The following GGT7 variants were observed in gnomAD, a reference collection of about 807,000 sequenced individuals.
GGT7 encodes the protein glutathione hydrolase 7.
A neutral mutation model predicts 69.2 loss-of-function variants in GGT7; 30 were observed. The observed-to-expected ratio is 0.43, with a 90% CI of 0.32 to 0.59. GGT7 has a LOEUF of 0.59. GGT7 is among the 20% of genes least tolerant of loss of function. The pLI is 0.05. For missense variants in GGT7, 733 were observed against 901.1 expected (o/e 0.81, Z 2.39); for synonymous variants, 388 against 391.8 (o/e 0.99, Z 0.12).
chr20:34,864,379 C>T lies in GGT7; in HGVS notation c.170-831G>A, dbSNP rs553894907. 2.5e-4 allele frequency among the ~76,000 whole-genome samples: 38 copies of T among 152,130 alleles called. 1 individual carries two copies. Among genetic ancestry groups the T allele is most frequent in the Admixed American group, 2.0e-3 (31 of 15,260 alleles). On this transcript the variant is annotated intron_variant, in intron 1 of 14. Transcript: ENST00000336431. ...GAAAAAAAAATAACCAAGGCCTGGG[C>T]GGCTCTGGTGTAGCAGGCATGGGGA...
chr20:34,863,353 G>A lies in GGT7; in HGVS notation c.365C>T (p.Thr122Ile). The A allele has an allele frequency of 6.2e-7, 1 of 1,614,014 alleles. No homozygotes were observed. The highest frequency in any genetic ancestry group is 1.3e-5 in the African/African-American group (1 of 75,048). The change falls in exon 2 of 15, where the codon ACC becomes ATC. Residue 122 changes from threonine to isoleucine, a missense_variant. By Grantham distance (89) the Thr-to-Ile change is moderately conservative. Coordinates refer to ENST00000336431, the MANE Select transcript of GGT7 (RefSeq NM_178026.3). This position sits in a 1 kb window ranked among gnomAD's most constrained non-coding sequence, Gnocchi z 4.4. ...TACLTFATGV[T>I]VALVMQIYFG... is the part of the protein sequence containing the mutation. ...GTAGATCTGCATGACCAGCGCCACGGTGACACCGGTAGCGAAGGTGAGACA... is the reference window on the plus strand; with the variant it reads ...GTAGATCTGCATGACCAGCGCCACGATGACACCGGTAGCGAAGGTGAGACA...
At chr20:34,861,424 T>G in intron 4 of GGT7, 21 bp downstream of exon 4, 1 of 1,302,810 alleles carries the variant, frequency 7.7e-7, no homozygotes, top group Admixed American at 1.9e-5. Flanking sequence ...CTGAACTCTC[T>G]CTTCTCACCA....
At position 34,862,941 on chromosome 20, in the gene GGT7, T is replaced by C. The variant is rs1448691667; in HGVS notation, c.430A>G (p.Thr144Ala). 2 of 1,613,624 alleles carry C rather than the reference T, an allele frequency of 1.2e-6. No homozygotes were observed. The highest frequency in any genetic ancestry group is 3.3e-5 in the Admixed American group (2 of 59,972). Residue 144 changes from threonine (T) to alanine (A), a missense_variant, in exon 3 of 15, where the codon ACC (threonine) becomes GCC (alanine). Thr to Ala is a moderately conservative substitution (Grantham distance 58). Coordinates refer to ENST00000336431, the MANE Select transcript of GGT7 (RefSeq NM_178026.3). ...PQIFQQGAVVTDAARCTSLGI... is the reference protein window; with the variant it reads ...PQIFQQGAVVADAARCTSLGI... ...AGTGAAGTGCAGCGGGCAGCATCGG[T>C]CACCACGGCACCCTGCTGGAAGATC...
At chr20:34,860,073 A>T in intron 5 of GGT7, 31 bp from the exon 6 acceptor site, 2 of 549,338 alleles carry the variant, frequency 3.6e-6, no homozygotes, top group Non-Finnish European at 5.5e-6. Flanking sequence ...GGGGTGGAGG[A>T]GGTCCTGGGG....
chr20:34,845,514 A>G, intron 14 of GGT7, 23 bp from the exon 15 acceptor site: 1 of 1,606,886 alleles, frequency 6.2e-7, no homozygotes, highest in African/African-American at 1.3e-5. Flanking sequence ...CCCGACATAT[A>G]CACATTCAGA....
At chr20:34,846,589 C>T (rs759037815) in intron 14 of GGT7, among the ~76,000 whole-genome samples, 3 of 152,080 alleles carry the variant, frequency 2.0e-5, no homozygotes, top group Admixed American at 6.6e-5. Flanking sequence ...GGATTACAGG[C>T]GTGAGCCACC....
At chr20:34,868,494 T>C (rs1386755714) in intron 1 of GGT7, among the ~76,000 whole-genome samples, 1 of 152,242 alleles carries the variant, frequency 6.6e-6, no homozygotes, top group Non-Finnish European at 1.5e-5. Flanking sequence ...CATAAGAAGC[T>C]GTCTGGAGGC....
At chr20:34,852,663 T>C (rs2079418227) in intron 10 of GGT7, 125 bp from the exon 11 acceptor site, 2 of 812,414 alleles carry the variant, frequency 2.5e-6, no homozygotes, top group Non-Finnish European at 3.7e-6. Flanking sequence ...CTACTAGGTC[T>C]ATGAGTGCAG....
At chr20:34,859,164 C>T (rs1443740787) in intron 7 of GGT7, among the ~76,000 whole-genome samples, 11 of 101,760 alleles carry the variant, frequency 1.1e-4, no homozygotes, top group African/African-American at 4.4e-4. Flanking sequence ...AGCAGGACTC[C>T]GTCTCATAAA....
chr20:34,853,038 C>T (rs1002939294), intron 10 of GGT7, among the ~76,000 whole-genome samples: 2 of 152,080 alleles, frequency 1.3e-5, no homozygotes, highest in Non-Finnish European at 2.9e-5. Context: ...CAACCTCTGC[C>T]TCCCAGGTTC....
intron 7 of GGT7, 21 bp downstream of exon 7, chr20:34,859,422 C>T: frequency 1.9e-6 from 3 of 1,549,908 alleles, no homozygotes; most frequent in Non-Finnish European, 1.8e-6. Flanking sequence ...ATGCCCCCAC[C>T]CGCACAACAC....
Position 34,863,565 on chromosome 20 carries a change from G to A in GGT7, c.170-17C>T, listed in dbSNP as rs780091297. On this transcript the variant is annotated splice_polypyrimidine_tract_variant and intron_variant, in intron 1 of 14. Coordinates refer to ENST00000336431, the MANE Select transcript of GGT7 (RefSeq NM_178026.3). The surrounding 1 kb of genome is among the most constrained non-coding windows in gnomAD (Gnocchi z 4.4). Reference sequence around the variant, plus strand: ...AGTCCGGGTCTGCGGGCAGGCAGCCGGGGTCGGTCTGGGCATCTCCTATCT... The same window carrying A: ...AGTCCGGGTCTGCGGGCAGGCAGCCAGGGTCGGTCTGGGCATCTCCTATCT... The A allele has an allele frequency of 1.6e-5, 24 of 1,531,414 alleles. No individual in the cohort carries two copies. The highest frequency in any genetic ancestry group is 7.2e-5 in the South Asian group (6 of 83,840). 94.9% of individuals were successfully genotyped at this position (1,531,414 alleles called of 1,614,324 possible). A position where few individuals can be genotyped will look rare whatever the true frequency, so the allele number is the denominator to read the frequency against.
chr20:34,850,970 T>G, intron 13 of GGT7: 1 of 676,892 alleles, frequency 1.5e-6, no homozygotes. Flanking sequence ...GCCACCCAGA[T>G]GCTAACCCCA....
rs764521693 is a variant in GGT7 at position 34,860,208 on chromosome 20, A to T, written c.743+46T>A. ...GGAAGTAGGAGAAGGCCACCCAAGGAGAGATGCAAACGGGGGTCCCTGGTC... is the reference window on the plus strand; with the variant it reads ...GGAAGTAGGAGAAGGCCACCCAAGGTGAGATGCAAACGGGGGTCCCTGGTC... On this transcript the variant is annotated intron_variant, in intron 5 of 14. Coordinates refer to ENST00000336431, the MANE Select transcript of GGT7 (RefSeq NM_178026.3). 3.6e-6 allele frequency: 5 copies of T among 1,400,994 alleles called. No homozygotes were observed. In the East Asian group the frequency reaches 1.1e-4, roughly 32 times the overall value. The allele number at this position is 1,400,994 out of a possible 1,614,324, so 86.8% of individuals were successfully genotyped here.
chr20:34,868,210 C>T (rs2079724649), intron 1 of GGT7, among the ~76,000 whole-genome samples: 1 of 152,150 alleles, frequency 6.6e-6, no homozygotes, highest in Non-Finnish European at 1.5e-5. Flanking sequence ...TATAAGGATC[C>T]AGGAGGTAAA....
rs143422291 is a variant in GGT7 at position 34,856,767 on chromosome 20, C to T, written c.1102+39G>A. The T allele has an allele frequency of 3.5e-4, 426 of 1,207,410 alleles. 3 individuals carry two copies. In the African/African-American group the frequency reaches 5.2e-3, roughly 15 times the overall value. The allele number at this position is 1,207,410 out of a possible 1,614,324, so 74.8% of individuals were successfully genotyped here. On this transcript the variant is annotated intron_variant, in intron 8 of 14. Coordinates refer to ENST00000336431, the MANE Select transcript of GGT7 (RefSeq NM_178026.3). ...GATGTGGCCATGGACTGGGAGGCTT[C>T]TCCTGAGGGGGGACCCTGGGAGCCG...
intron 5 of GGT7, 25 bp downstream of exon 5, chr20:34,860,229 T>C (rs778665554): frequency 1.9e-6 from 3 of 1,577,598 alleles, no homozygotes; most frequent in Non-Finnish European, 2.6e-6. Context: ...CGGGGGTCCC[T>C]GGTCCCCAGG....
At position 34,854,890 on chromosome 20, in the gene GGT7, G is replaced by C. The variant is rs756441036; in HGVS notation, c.1136C>G (p.Thr379Arg). The C allele has an allele frequency of 8.7e-6, 14 of 1,613,854 alleles. No individual in the cohort carries two copies. The highest frequency in any genetic ancestry group is 1.2e-5 in the Non-Finnish European group (14 of 1,179,894). ...HLVLSPPPPHTGPALISALNI... is the reference protein window; with the variant it reads ...HLVLSPPPPHRGPALISALNI... ...GAGAGCACTGATGAGGGCAGGGCCCGTGTGCGGAGGTGGGGGACTAAGAAC... is the reference window on the plus strand; with the variant it reads ...GAGAGCACTGATGAGGGCAGGGCCCCTGTGCGGAGGTGGGGGACTAAGAAC... The change falls in exon 9 of 15, where the codon ACG becomes AGG. Residue 379 changes from threonine (T) to arginine (R), a missense_variant. By Grantham distance (71) the Thr-to-Arg change is moderately conservative. Coordinates refer to ENST00000336431, the MANE Select transcript of GGT7 (RefSeq NM_178026.3).
chr20:34,864,248 AAGGAGCCAGCTATAATGT>A (rs1049124522), intron 1 of GGT7, among the ~76,000 whole-genome samples: 17 of 152,250 alleles, frequency 1.1e-4, no homozygotes, highest in Admixed American at 3.3e-4. Flanking sequence ...AAGGGATGAG[AAGGAGCCAGCTATAATGT>A]AGAGCAAAGA....
Sources: allele counts gnomAD v4.1 joint callset (sites outside exome capture counted in the v4.1 genomes callset), GRCh38; gene constraint gnomAD v4.1.1; non-coding constraint Gnocchi (gnomAD v3.1); transcripts MANE v1.5; gene names NCBI Gene and HGNC (gene_info 2026-07-23, HGNC 2026-07-21).